The following DGKI variants were observed in gnomAD, a reference collection of about 807,000 sequenced individuals.
The protein encoded by DGKI is diacylglycerol kinase iota.
A neutral mutation model predicts 147.5 loss-of-function variants in DGKI; 55 were observed. The ratio of observed to expected loss-of-function variants is 0.37; its 90% CI spans 0.30 to 0.47. The LOEUF is 0.47. DGKI is among the 20% of genes least tolerant of loss of function. DGKI has a pLI of 1.00. For missense variants in DGKI, 1,007 were observed against 1,323.8 expected, an observed-to-expected ratio of 0.76 and a Z score of 3.71; for synonymous variants, 469 against 477.1, an observed-to-expected ratio of 0.98 and a Z score of 0.22.
chr7:137,768,631 C>T (rs552178133), intron 1 of DGKI, among the ~76,000 whole-genome samples: 1 of 152,266 alleles, frequency 6.6e-6, no homozygotes, highest in African/African-American at 2.4e-5. Flanking sequence ...ACGTACAGGC[C>T]CCGGGCAGAA....
At position 137,487,593 on chromosome 7, in the gene DGKI, T is replaced by G. The variant is rs371327020; in HGVS notation, c.2328+17A>C. On this transcript the variant is annotated intron_variant, in intron 22 of 32. Transcript: ENST00000614521. Reference sequence around the variant, plus strand: ...TGGAAAGTTGAGGAGAATAAAAAATTGGCTAAATAAACTCACCTCCTGTAG... The same window carrying G: ...TGGAAAGTTGAGGAGAATAAAAAATGGGCTAAATAAACTCACCTCCTGTAG... 6.2e-7 allele frequency: 1 copy of G among 1,608,300 alleles called. No individual in the cohort carries two copies. Among genetic ancestry groups the G allele is most frequent in the East Asian group, 2.2e-5 (1 of 44,848 alleles).
rs185808283 is a variant in DGKI, at chr7:137,684,294, G to T, written c.510+5600C>A. ...TCACAGCAGATTTTGAAGATTTAGTGTGAGAAAAGAATGTAAAACATCTCC... is the reference window on the plus strand; with the variant it reads ...TCACAGCAGATTTTGAAGATTTAGTTTGAGAAAAGAATGTAAAACATCTCC... On this transcript the variant is annotated intron_variant, in intron 2 of 32. Transcript: ENST00000614521. 7.6e-4 allele frequency among the ~76,000 whole-genome samples: 116 copies of T among 152,322 alleles called. 1 individual carries two copies. The highest frequency in any genetic ancestry group is 1.4e-3 in the Non-Finnish European group (93 of 68,026).
At chr7:137,781,557 T>C (rs1796519461) in intron 1 of DGKI, among the ~76,000 whole-genome samples, 1 of 152,142 alleles carries the variant, frequency 6.6e-6, no homozygotes. Flanking sequence ...GGTGAAGGAA[T>C]ACTGAGGAGA....
chr7:137,653,131 T>C (rs924146638), intron 5 of DGKI, among the ~76,000 whole-genome samples: 3 of 151,250 alleles, frequency 2.0e-5, no homozygotes, highest in African/African-American at 7.4e-5. Context: ...TGTGTGTTTG[T>C]GTGTGTGTGT....
intron 21 of DGKI, among the ~76,000 whole-genome samples, chr7:137,505,098 G>T (rs1193346642): frequency 6.7e-6 from 1 of 148,818 alleles, no homozygotes; most frequent in African/African-American, 2.5e-5. Context: ...GACAAAGGGG[G>T]GGAACATCCC....
intron 21 of DGKI, among the ~76,000 whole-genome samples, chr7:137,514,882 T>A (rs2128949248): frequency 6.6e-6 from 1 of 152,282 alleles, no homozygotes; most frequent in East Asian, 1.9e-4. Flanking sequence ...GTAGCCAAAT[T>A]TATCTAGAAT....
At chr7:137,517,134 TTGG>T (rs1816771873) in intron 21 of DGKI, among the ~76,000 whole-genome samples, 2 of 148,998 alleles carry the variant, frequency 1.3e-5, no homozygotes, top group Admixed American at 6.8e-5. Context: ...CAAAGCCAGA[TTGG>T]AAGATATTCT....
intron 1 of DGKI, among the ~76,000 whole-genome samples, chr7:137,766,424 A>C (rs1386705835): frequency 1.3e-5 from 2 of 152,224 alleles, no homozygotes; most frequent in African/African-American, 4.8e-5. Context: ...GAGAGGTAGA[A>C]ATAAATGTTA....
At chr7:137,594,943 AATAATT>A (rs1246506263) in intron 12 of DGKI, among the ~76,000 whole-genome samples, 1 of 152,222 alleles carries the variant, frequency 6.6e-6, no homozygotes, top group East Asian at 1.9e-4. Context: ...CACTGACAAA[AATAATT>A]AGTTTAAATG....
At chr7:137,638,651 T>TAC (rs1221900259) in intron 6 of DGKI, among the ~76,000 whole-genome samples, 713 of 10,988 alleles carry the variant, frequency 0.065, 163 homozygotes, top group African/African-American at 0.37. Context: ...TGTGTATGTA[T>TAC]ATACACACAT....
chr7:137,797,565 TAA>T (rs1330334084), intron 1 of DGKI, among the ~76,000 whole-genome samples: 3 of 152,146 alleles, frequency 2.0e-5, no homozygotes, highest in Non-Finnish European at 2.9e-5. Flanking sequence ...GTATATGAAC[TAA>T]GTTTTTGAAA....
At chr7:137,581,598 C>T (rs1819194585) in intron 15 of DGKI, among the ~76,000 whole-genome samples, 1 of 152,026 alleles carries the variant, frequency 6.6e-6, no homozygotes, top group South Asian at 2.1e-4. Flanking sequence ...ACATCTAGTC[C>T]TGCCCTTTAC....
chr7:137,408,058 C>A, intron 29 of DGKI, 63 bp from the exon 30 acceptor site: 2 of 1,588,718 alleles, frequency 1.3e-6, no homozygotes, highest in Admixed American at 3.5e-5. Flanking sequence ...AACAGCTAAC[C>A]GGTAATAAAA....
intron 30 of DGKI, among the ~76,000 whole-genome samples, chr7:137,404,678 G>A (rs879131755): frequency 6.6e-6 from 1 of 152,142 alleles, no homozygotes; most frequent in Admixed American, 6.5e-5. Flanking sequence ...GATGATTACT[G>A]TGAACATTGT....
At chr7:137,792,819 T>C (rs1181628450) in intron 1 of DGKI, among the ~76,000 whole-genome samples, 2 of 152,214 alleles carry the variant, frequency 1.3e-5, no homozygotes, top group Non-Finnish European at 2.9e-5. Flanking sequence ...CCTTTGCTTC[T>C]GCCATGAGTA....
At chr7:137,711,161 G>A (rs1794197555) in intron 1 of DGKI, among the ~76,000 whole-genome samples, 1 of 152,068 alleles carries the variant, frequency 6.6e-6, no homozygotes, top group African/African-American at 2.4e-5. Context: ...TCACAAGGAG[G>A]ACAACATGGT....
chr7:137,425,740 T>G (rs149889317), intron 28 of DGKI, among the ~76,000 whole-genome samples: 2,432 of 152,292 alleles, frequency 0.016, 64 homozygotes, highest in African/African-American at 0.055. Context: ...GCTTGAGAAC[T>G]ACGTGAAGAA....
At position 137,384,107 on chromosome 7, in the gene DGKI, A is replaced by AT. The variant is rs1254538371; in HGVS notation, c.*7112dup. The AT allele has an allele frequency of 2.6e-5, 4 of 152,048 alleles. No individual in the cohort carries two copies. Among genetic ancestry groups the AT allele is most frequent in the Non-Finnish European group, 5.9e-5 (4 of 67,964 alleles). The allele number at this position is 152,048 out of a possible 1,614,324, so 9.4% of individuals were successfully genotyped here. On this transcript the variant is annotated 3_prime_UTR_variant, in exon 33 of 33. Coordinates refer to ENST00000614521, the MANE Select transcript of DGKI (RefSeq NM_001321708.2). Reference sequence around the variant, plus strand: ...CTTGGATGTCAGGGCCATTTTTAACATTTTTTGTTGCAGCATTCAGAAATT... The same window carrying AT: ...CTTGGATGTCAGGGCCATTTTTAACATTTTTTTGTTGCAGCATTCAGAAATT...
At position 137,618,148 on chromosome 7, in the gene DGKI, T is replaced by C. The variant is rs1200341008; in HGVS notation, c.993+1676A>G. 1.1e-4 allele frequency among the ~76,000 whole-genome samples: 3 copies of C among 26,202 alleles called. 1 individual carries two copies. Among genetic ancestry groups the C allele is most frequent in the African/African-American group, 2.9e-4 (3 of 10,426 alleles). 17.2% of individuals were successfully genotyped at this position (26,202 alleles called of 152,430 possible). ...AATACTATATATATATATATATATA[T>C]ATATTTTTTTTTTTTTACTCTATCA... On this transcript the variant is annotated intron_variant, in intron 8 of 32. Transcript: ENST00000614521.
Sources: gnomAD v4.1 joint callset for allele counts (sites outside exome capture counted in the v4.1 genomes callset) on GRCh38, gnomAD v4.1.1 for gene constraint, MANE v1.5 for transcripts, NCBI Gene and HGNC (gene_info 2026-07-23, HGNC 2026-07-21) for gene names.